SP1: variants seen among roughly 807,000 people sequenced by gnomAD.
SP1 encodes the protein Sp1 transcription factor.
SP1 carries 6 observed loss-of-function variants against 66.3 expected under a neutral mutation model. The observed-to-expected ratio is 0.09, with a 90% CI of 0.05 to 0.18. The LOEUF is 0.18. Ranked by LOEUF, SP1 falls within the 10% of genes least tolerant of loss-of-function variation. The pLI is 1.00. For synonymous variants in SP1, 417 were observed against 360.8 expected (o/e 1.16, Z -1.77); for missense variants, 848 against 964.5 (o/e 0.88, Z 1.60).
intron 3 of SP1, among the ~76,000 whole-genome samples, chr12:53,406,257 C>T (rs1257836867): frequency 2.6e-5 from 4 of 151,698 alleles, no homozygotes; most frequent in East Asian, 1.9e-4. Context: ...TTAGTAGAGA[C>T]GGGATTTCTC....
At chr12:53,380,822 A>G (rs971357801) in intron 1 of SP1, 3 of 177,240 alleles carry the variant, frequency 1.7e-5, no homozygotes, top group African/African-American at 2.4e-5. Context: ...CCGCCCCGAA[A>G]CCTTCTGACT....
intron 1 of SP1, chr12:53,380,570 C>A (rs1389665172): frequency 1.3e-5 from 10 of 791,330 alleles, no homozygotes; most frequent in Non-Finnish European, 1.6e-5. Flanking sequence ...CGGGCCTTAC[C>A]CCCCACTACT....
intron 5 of SP1, 64 bp downstream of exon 5, chr12:53,409,625 C>G (rs750265044): frequency 3.9e-5 from 51 of 1,295,794 alleles, no homozygotes; most frequent in Non-Finnish European, 5.5e-5. Flanking sequence ...CAAAATATAC[C>G]TACAAAATAA....
In SP1 at chr12:53,413,338, T is replaced by A. The variant is rs1213679822; in HGVS notation, c.*2098T>A. On this transcript the variant is annotated 3_prime_UTR_variant, in exon 6 of 6. Transcript: ENST00000327443. ...ACCAACATCCAGATCTATAGCAGAG[T>A]CCTTATTCTTCTCATAAATCTTTTT... 6.6e-6 allele frequency: 1 copy of A among 152,198 alleles called. No individual in the cohort carries two copies. Among genetic ancestry groups the A allele is most frequent in the Non-Finnish European group, 1.5e-5 (1 of 68,030 alleles). The allele number at this position is 152,198 out of a possible 1,614,324, so 9.4% of individuals were successfully genotyped here. A position where few individuals can be genotyped will look rare whatever the true frequency, so the allele number is the denominator to read the frequency against.
Position 53,382,572 on chromosome 12 carries a change from G to C in SP1, c.625G>C (p.Gly209Arg), listed in dbSNP as rs1938129791. 3.1e-6 allele frequency: 5 copies of C among 1,614,114 alleles called. No individual in the cohort carries two copies. Among genetic ancestry groups the C allele is most frequent in the Non-Finnish European group, 2.5e-6 (3 of 1,180,018 alleles). The change falls in exon 3 of 6, where the codon GGT (glycine) becomes CGT (arginine). Residue 209 changes from glycine (G) to arginine (R), a missense_variant. Physicochemically the swap from Gly to Arg is moderately radical, Grantham distance 125. Coordinates refer to ENST00000327443, the MANE Select transcript of SP1 (RefSeq NM_138473.3). ...TTCTGGTCAAATACAGATCATACCA[G>C]GTGCAAACCAACAGATTATCACAAA... is the stretch of plus-strand genomic sequence containing the variant. ...DGSGQIQIIP[G>R]ANQQIITNRG...
chr12:53,413,239 T>G lies in SP1; in HGVS notation c.*1999T>G, dbSNP rs1309407245. 1 of 152,428 alleles carries G rather than the reference T, an allele frequency of 6.6e-6. No homozygotes were observed. The highest frequency in any genetic ancestry group is 1.9e-4 in the East Asian group (1 of 5,202). 9.4% of individuals were successfully genotyped at this position (152,428 alleles called of 1,614,324 possible). ...GGTCATTTCTTTGCTTATGCTAAAT[T>G]AATTACAATTATGAATGGAGGATAT... On this transcript the variant is annotated 3_prime_UTR_variant, in exon 6 of 6. Coordinates refer to ENST00000327443, the MANE Select transcript of SP1 (RefSeq NM_138473.3).
intron 3 of SP1, among the ~76,000 whole-genome samples, chr12:53,399,355 A>G (rs1938556655): frequency 6.9e-6 from 1 of 144,048 alleles, no homozygotes; most frequent in Non-Finnish European, 1.5e-5. Flanking sequence ...TTTTTTTGAG[A>G]CGGAATCTCG....
At chr12:53,400,977 G>A (rs992161079) in intron 3 of SP1, among the ~76,000 whole-genome samples, 2 of 151,388 alleles carry the variant, frequency 1.3e-5, no homozygotes, top group Non-Finnish European at 1.5e-5. Context: ...GGCCAGGCTG[G>A]TCTCGAACTC....
At chr12:53,398,762 T>C (rs535658343) in intron 3 of SP1, among the ~76,000 whole-genome samples, 14 of 152,296 alleles carry the variant, frequency 9.2e-5, no homozygotes, top group Middle Eastern at 3.4e-3. Context: ...CTGTAGAACT[T>C]AAATTTGCAA....
intron 1 of SP1, chr12:53,381,301 T>G (rs1457540120): frequency 1.8e-5 from 3 of 164,508 alleles, no homozygotes; most frequent in Non-Finnish European, 4.0e-5. Context: ...TGCACCCACA[T>G]GTTGTTTTAT....
At chr12:53,408,763 G>C (rs1429970815) in intron 4 of SP1, among the ~76,000 whole-genome samples, 2 of 152,030 alleles carry the variant, frequency 1.3e-5, no homozygotes, top group Non-Finnish European at 2.9e-5. Flanking sequence ...AAAATTAGCC[G>C]GGTGTGGTGG....
chr12:53,390,801 G>A (rs541884320), intron 3 of SP1, among the ~76,000 whole-genome samples: 5 of 152,202 alleles, frequency 3.3e-5, no homozygotes, highest in Non-Finnish European at 7.4e-5. Context: ...TATAAATGAC[G>A]TCATTGTTAA....
At chr12:53,393,215 G>A (rs186392822) in intron 3 of SP1, among the ~76,000 whole-genome samples, 20 of 152,196 alleles carry the variant, frequency 1.3e-4, no homozygotes, top group Non-Finnish European at 2.4e-4. Context: ...TTCGGAGGTC[G>A]AGGCGAGAGG....
chr12:53,407,023 A>G (rs1350287825), intron 4 of SP1, among the ~76,000 whole-genome samples: 1 of 151,734 alleles, frequency 6.6e-6, no homozygotes, highest in East Asian at 1.9e-4. Flanking sequence ...ACAGGGTTTC[A>G]CTGTGTTACC....
chr12:53,386,871 C>T (rs971107881), intron 3 of SP1, among the ~76,000 whole-genome samples: 3 of 151,414 alleles, frequency 2.0e-5, no homozygotes, highest in Non-Finnish European at 2.9e-5. Flanking sequence ...TCTTTATATG[C>T]TGGCACAATT....
At chr12:53,394,364 A>G (rs1938424859) in intron 3 of SP1, among the ~76,000 whole-genome samples, 1 of 150,636 alleles carries the variant, frequency 6.6e-6, no homozygotes. Context: ...CAAAAAATCA[A>G]GTTTCTTTCT....
intron 3 of SP1, among the ~76,000 whole-genome samples, chr12:53,397,491 G>GTC (rs1175083692): frequency 6.9e-4 from 99 of 143,288 alleles, no homozygotes; most frequent in East Asian, 5.1e-3. Context: ...TTGAGATGGA[G>GTC]TCTCTCTCTC....
intron 3 of SP1, among the ~76,000 whole-genome samples, chr12:53,393,239 A>G (rs939576100): frequency 6.6e-6 from 1 of 152,222 alleles, no homozygotes; most frequent in Non-Finnish European, 1.5e-5. Flanking sequence ...GGTTTAGCCC[A>G]GAAGTTCGAA....
intron 3 of SP1, among the ~76,000 whole-genome samples, chr12:53,392,774 C>T (rs1364023483): frequency 6.6e-6 from 1 of 151,944 alleles, no homozygotes; most frequent in Non-Finnish European, 1.5e-5. Flanking sequence ...GGATTACAGG[C>T]GTGAGCCACC....
Sources: gnomAD v4.1 joint callset for allele counts (sites outside exome capture counted in the v4.1 genomes callset) on GRCh38, gnomAD v4.1.1 for gene constraint, MANE v1.5 for transcripts, NCBI Gene and HGNC (gene_info 2026-07-23, HGNC 2026-07-21) for gene names.